The following ZNF804B variants were observed in gnomAD, a reference collection of about 807,000 sequenced individuals.
The protein encoded by ZNF804B is zinc finger protein 804B, also known as zinc finger 804B.
A neutral mutation model predicts 101.4 loss-of-function variants in ZNF804B; 80 were observed. That is an observed-to-expected ratio of 0.79 (90% CI 0.66 to 0.95). The LOEUF is 0.95. Among genes scored for constraint, ZNF804B ranks in the 40% least tolerant of loss-of-function variants. The pLI, the probability that ZNF804B is intolerant of heterozygous loss-of-function variation, is 0.00. For missense variants in ZNF804B, 1,673 were observed against 1,561.9 expected (o/e 1.07, Z -1.20); for synonymous variants, 622 against 558.8 (o/e 1.11, Z -1.59).
intron 1 of ZNF804B, among the ~76,000 whole-genome samples, chr7:89,067,031 G>A (rs988077950): frequency 5.3e-5 from 8 of 151,926 alleles, no homozygotes; most frequent in Non-Finnish European, 1.2e-4. Flanking sequence ...ACACCAAATT[G>A]TATAAGCTTC....
chr7:89,126,647 TTG>T (rs370433902), intron 1 of ZNF804B, among the ~76,000 whole-genome samples: 3 of 150,852 alleles, frequency 2.0e-5, no homozygotes, highest in Non-Finnish European at 4.4e-5. Flanking sequence ...ATTATGGTAT[TTG>T]TGTGTGTGTG....
chr7:89,174,871 C>A (rs1407872101), intron 1 of ZNF804B, among the ~76,000 whole-genome samples: 1 of 151,980 alleles, frequency 6.6e-6, no homozygotes, highest in Non-Finnish European at 1.5e-5. Context: ...TTTTACATAC[C>A]TGTATGCCAT....
chr7:88,935,384 AAAG>A (rs1258513873), intron 1 of ZNF804B, among the ~76,000 whole-genome samples: 69 of 151,548 alleles, frequency 4.6e-4, no homozygotes, highest in African/African-American at 1.3e-3. Context: ...AAAAAAAAAA[AAAG>A]AATACACCTT....
chr7:88,811,925 T>C (rs569715062), intron 1 of ZNF804B, among the ~76,000 whole-genome samples: 1 of 152,194 alleles, frequency 6.6e-6, no homozygotes, highest in East Asian at 1.9e-4. Context: ...TACACATTTA[T>C]CTCTGTAACA....
intron 1 of ZNF804B, among the ~76,000 whole-genome samples, chr7:88,919,899 T>C (rs1454373183): frequency 6.6e-6 from 1 of 152,082 alleles, no homozygotes; most frequent in Non-Finnish European, 1.5e-5. Flanking sequence ...AGACATGTGT[T>C]AAGTACAGAA....
At chr7:89,010,405 A>G (rs1308553534) in intron 1 of ZNF804B, among the ~76,000 whole-genome samples, 1 of 152,208 alleles carries the variant, frequency 6.6e-6, no homozygotes, top group Non-Finnish European at 1.5e-5. Context: ...TACCCGTTAA[A>G]GTTGATTGTT....
intron 2 of ZNF804B, among the ~76,000 whole-genome samples, chr7:89,306,240 C>T (rs960375289): frequency 6.6e-6 from 1 of 151,850 alleles, no homozygotes; most frequent in Non-Finnish European, 1.5e-5. Context: ...AATATCTTAT[C>T]CCATTATCGT....
intron 1 of ZNF804B, among the ~76,000 whole-genome samples, chr7:89,047,174 C>G (rs2116258222): frequency 6.6e-6 from 1 of 152,236 alleles, no homozygotes; most frequent in African/African-American, 2.4e-5. Context: ...GATTTTGTAA[C>G]AACAGCAAAC....
At chr7:89,151,933 T>C (rs1435079506) in intron 1 of ZNF804B, among the ~76,000 whole-genome samples, 1 of 152,080 alleles carries the variant, frequency 6.6e-6, no homozygotes, top group Non-Finnish European at 1.5e-5. Context: ...GTTTTAGTCT[T>C]GTATGGGTGT....
At chr7:89,213,208 A>G (rs1473122656) in intron 1 of ZNF804B, among the ~76,000 whole-genome samples, 2 of 152,202 alleles carry the variant, frequency 1.3e-5, no homozygotes, top group Non-Finnish European at 2.9e-5. Flanking sequence ...ATGCAGAAAG[A>G]TGATGGATGC....
rs767730724 is a variant in ZNF804B at position 88,794,156 on chromosome 7, C to T, written c.108+34072C>T. 18 of 1,565,426 alleles carry T rather than the reference C, an allele frequency of 1.1e-5. No individual in the cohort carries two copies. The South Asian group carries it at 1.9e-4, about 17-fold the overall frequency. On this transcript the variant is annotated intron_variant, in intron 1 of 3. Coordinates refer to ENST00000333190, the MANE Select transcript of ZNF804B (RefSeq NM_181646.5). ...TAAGTAGCACAAACTCCTTAAGAGA[C>T]ATGGGCACATTATCCCTCTCAATCC...
At chr7:88,881,598 C>CT (rs1792029523) in intron 1 of ZNF804B, among the ~76,000 whole-genome samples, 1 of 152,110 alleles carries the variant, frequency 6.6e-6, no homozygotes, top group Non-Finnish European at 1.5e-5. Flanking sequence ...TTTAAAATGG[C>CT]TTAGGCTACA....
chr7:89,266,262 AT>A (rs1789794408), intron 2 of ZNF804B, among the ~76,000 whole-genome samples: 1 of 151,962 alleles, frequency 6.6e-6, no homozygotes, highest in South Asian at 2.1e-4. Flanking sequence ...AGGTTTACTT[AT>A]TTTTTCTCTT....
rs1791221446 is a variant in ZNF804B, at chr7:89,171,282, GCTGCTGCTTCTTCTTCTTCTTCTT to G, written c.109-46870_109-46847del. On this transcript the variant is annotated intron_variant, in intron 1 of 3. Coordinates refer to ENST00000333190, the MANE Select transcript of ZNF804B (RefSeq NM_181646.5). ...CAATGAAGTAGGCACAAATAATGCT[GCTGCTGCTTCTTCTTCTTCTTCTT>G]CTTCTTCTTCTTCTTCTTCTTCTTC... is the stretch of plus-strand genomic sequence containing the variant. 1.4e-3 allele frequency among the ~76,000 whole-genome samples: 136 copies of G among 95,548 alleles called. 4 individuals are homozygous for G. Among genetic ancestry groups the G allele is most frequent in the Middle Eastern group, 6.7e-3 (1 of 150 alleles). 62.7% of individuals were successfully genotyped at this position (95,548 alleles called of 152,430 possible). A position where few individuals can be genotyped will look rare whatever the true frequency, so the allele number is the denominator to read the frequency against.
At chr7:88,802,571 A>G (rs1237601111) in intron 1 of ZNF804B, among the ~76,000 whole-genome samples, 2 of 152,152 alleles carry the variant, frequency 1.3e-5, no homozygotes, top group Non-Finnish European at 2.9e-5. Flanking sequence ...GTGGATTGGG[A>G]CAAGATTATA....
chr7:88,845,301 G>GCACACACACACACACACACACACA (rs372272018), intron 1 of ZNF804B, among the ~76,000 whole-genome samples: 27 of 150,036 alleles, frequency 1.8e-4, no homozygotes, highest in South Asian at 6.3e-4. Flanking sequence ...GCACGCGCGC[G>GCACACACACACACACACACACACA]CACACACACA....
intron 1 of ZNF804B, among the ~76,000 whole-genome samples, chr7:88,844,636 T>G (rs1791342722): frequency 6.6e-6 from 1 of 152,208 alleles, no homozygotes; most frequent in African/African-American, 2.4e-5. Context: ...CCATTATTAC[T>G]TTTACTAAGA....
intron 2 of ZNF804B, among the ~76,000 whole-genome samples, chr7:89,293,127 T>A (rs1162942475): frequency 6.6e-6 from 1 of 152,144 alleles, no homozygotes; most frequent in African/African-American, 2.4e-5. Flanking sequence ...TAATTTTTTT[T>A]AATGATTTGG....
intron 1 of ZNF804B, among the ~76,000 whole-genome samples, chr7:88,944,619 A>G (rs1383922129): frequency 6.6e-6 from 1 of 151,838 alleles, no homozygotes; most frequent in African/African-American, 2.4e-5. Context: ...TAAAAATACA[A>G]AAATATTATA....
Sources: gnomAD v4.1 joint callset for allele counts (sites outside exome capture counted in the v4.1 genomes callset) on GRCh38, gnomAD v4.1.1 for gene constraint, MANE v1.5 for transcripts, NCBI Gene and HGNC (gene_info 2026-07-23, HGNC 2026-07-21) for gene names.